RIPOR2: variants seen among roughly 807,000 people sequenced by gnomAD.
RIPOR2 encodes rho family-interacting cell polarization regulator 2.
In RIPOR2, 39 loss-of-function variants were observed where a neutral mutation model predicts 114.5. That is an observed-to-expected ratio of 0.34 (90% confidence interval 0.26 to 0.44). The LOEUF is 0.44. RIPOR2 is among the 20% of genes least tolerant of loss of function. The probability of loss-of-function intolerance (pLI) is 1.00; values close to 1 mark genes in which losing one functional copy is unlikely to be tolerated. For missense variants in RIPOR2, 1,007 were observed against 1,255.1 expected (o/e 0.80, Z 2.99); for synonymous variants, 445 against 484.4 (o/e 0.92, Z 1.07).
At chr6:25,005,534 T>C (rs1028051379) in intron 1 of RIPOR2, among the ~76,000 whole-genome samples, 3 of 151,434 alleles carry the variant, frequency 2.0e-5, no homozygotes, top group Non-Finnish European at 4.4e-5. Flanking sequence ...AATCTATGTC[T>C]CATCTTAGTC....
intron 16 of RIPOR2, 59 bp from the exon 17 acceptor site, chr6:24,830,729 T>C: frequency 6.7e-7 from 1 of 1,487,010 alleles, no homozygotes; most frequent in Non-Finnish European, 9.0e-7. Context: ...TTATTTTATT[T>C]TTTTGAGACA....
intron 1 of RIPOR2, among the ~76,000 whole-genome samples, chr6:24,943,431 T>G (rs147100630): frequency 0.014 from 2,075 of 152,220 alleles, 53 homozygotes; most frequent in African/African-American, 0.046. Flanking sequence ...ACATGGCACA[T>G]GCATACGTAT....
chr6:24,904,514 C>G (rs537123873), intron 1 of RIPOR2, among the ~76,000 whole-genome samples: 1 of 152,232 alleles, frequency 6.6e-6, no homozygotes, highest in Non-Finnish European at 1.5e-5. Context: ...AAGTCCTTGA[C>G]TTAATCACAT....
intron 1 of RIPOR2, among the ~76,000 whole-genome samples, chr6:24,997,779 A>G (rs1775109672): frequency 1.3e-5 from 2 of 152,214 alleles, no homozygotes; most frequent in Admixed American, 1.3e-4. Flanking sequence ...TGCACATTAA[A>G]GTCTGAGAAA....
At chr6:25,034,779 C>T (rs577606358) in intron 1 of RIPOR2, among the ~76,000 whole-genome samples, 11 of 152,320 alleles carry the variant, frequency 7.2e-5, no homozygotes, top group Middle Eastern at 3.4e-3. Context: ...TGTCCATCCT[C>T]GGCTGGAGAC....
Position 24,903,289 on chromosome 6 carries a change from A to G in RIPOR2, c.62-27472T>C, listed in dbSNP as rs530384185. Among the ~76,000 whole-genome samples the G allele has an allele frequency of 2.0e-4, 31 of 152,338 alleles. No individual in the cohort carries two copies. The South Asian group carries it at 6.0e-3, about 30-fold the overall frequency. ...TAAGGTAGAAGTTGAATGATCTTTTATGATCTAGCCTTAGAAATCACATTC... is the reference window on the plus strand; with the variant it reads ...TAAGGTAGAAGTTGAATGATCTTTTGTGATCTAGCCTTAGAAATCACATTC... On this transcript the variant is annotated intron_variant, in intron 1 of 21. Coordinates refer to ENST00000643898, the MANE Select transcript of RIPOR2 (RefSeq NM_001286445.3).
chr6:24,972,670 A>C (rs1023171908), intron 1 of RIPOR2, among the ~76,000 whole-genome samples: 1 of 152,204 alleles, frequency 6.6e-6, no homozygotes, highest in Non-Finnish European at 1.5e-5. Context: ...GCTCTATATA[A>C]CAAATAACTC....
chr6:25,031,119 C>G (rs116622247), intron 1 of RIPOR2: 1,981 of 152,580 alleles, frequency 0.013, 29 homozygotes, highest in East Asian at 0.043. Flanking sequence ...CAGTTCACCT[C>G]TCCTTAGGCA....
At chr6:25,027,321 C>T (rs1300398431) in intron 1 of RIPOR2, among the ~76,000 whole-genome samples, 1 of 152,126 alleles carries the variant, frequency 6.6e-6, no homozygotes, top group East Asian at 1.9e-4. Flanking sequence ...GACTGCACAG[C>T]CACCCAGCCC....
At chr6:24,928,212 G>T (rs1367965343) in intron 1 of RIPOR2, among the ~76,000 whole-genome samples, 2 of 152,192 alleles carry the variant, frequency 1.3e-5, no homozygotes, top group African/African-American at 4.8e-5. Flanking sequence ...TGAACCACAA[G>T]TTGAAGGAGA....
At chr6:24,882,048 T>C (rs1307774250) in intron 1 of RIPOR2, among the ~76,000 whole-genome samples, 1 of 152,162 alleles carries the variant, frequency 6.6e-6, no homozygotes, top group Admixed American at 6.5e-5. Flanking sequence ...GTTTGGAAGA[T>C]GGGTGATGAA....
intron 1 of RIPOR2, among the ~76,000 whole-genome samples, chr6:25,009,681 T>C (rs1016079482): frequency 7.9e-5 from 12 of 152,202 alleles, no homozygotes; most frequent in Non-Finnish European, 1.0e-4. Flanking sequence ...TAAATGGTGG[T>C]CAAGTTTCAA....
At chr6:24,942,629 A>G (rs1772195482) in intron 1 of RIPOR2, among the ~76,000 whole-genome samples, 1 of 152,080 alleles carries the variant, frequency 6.6e-6, no homozygotes, top group African/African-American at 2.4e-5. Flanking sequence ...ATGGTATCTC[A>G]TTGTGGTTTT....
Position 24,873,906 on chromosome 6 carries a change from T to G in RIPOR2, c.189-107A>C. 3 of 964,868 alleles carry G rather than the reference T, an allele frequency of 3.1e-6. No homozygotes were observed. In the South Asian group the frequency reaches 5.1e-5, roughly 16 times the overall value. The allele number at this position is 964,868 out of a possible 1,614,324, so 59.8% of individuals were successfully genotyped here. On this transcript the variant is annotated intron_variant, in intron 2 of 21. Coordinates refer to ENST00000643898, the MANE Select transcript of RIPOR2 (RefSeq NM_001286445.3). ...TGTTTGTTTTAGAGACAAAGTCTTC[T>G]TCTGTCATCCAGGCTGGAGTATGGT...
chr6:24,935,240 G>A (rs1461189946), intron 1 of RIPOR2, among the ~76,000 whole-genome samples: 2 of 150,120 alleles, frequency 1.3e-5, no homozygotes, highest in East Asian at 2.0e-4. Flanking sequence ...CCCGGGAGAC[G>A]GAGGTTGCAG....
At position 24,881,946 on chromosome 6, in the gene RIPOR2, T is replaced by C. The variant is rs532852714; in HGVS notation, c.62-6129A>G. ...CCAGAAATAAAGGGTGGAATATGAT[T>C]GCAGTTTGGGGGAAGAATTTGCACC... On this transcript the variant is annotated intron_variant, in intron 1 of 21. Coordinates refer to ENST00000643898, the MANE Select transcript of RIPOR2 (RefSeq NM_001286445.3). 1.1e-4 allele frequency among the ~76,000 whole-genome samples: 16 copies of C among 152,290 alleles called. No individual in the cohort carries two copies. In the South Asian group the frequency reaches 2.9e-3, roughly 28 times the overall value.
chr6:24,846,523 C>T (rs1762308098), intron 12 of RIPOR2, among the ~76,000 whole-genome samples: 2 of 151,848 alleles, frequency 1.3e-5, no homozygotes, highest in Admixed American at 1.3e-4. Flanking sequence ...CCAGGCTGGT[C>T]TTGAACTCCT....
chr6:24,821,141 G>A (rs1759660294), intron 19 of RIPOR2, among the ~76,000 whole-genome samples: 1 of 151,030 alleles, frequency 6.6e-6, no homozygotes, highest in African/African-American at 2.4e-5. Context: ...CCAAAGTTCT[G>A]GGATTACAGG....
At chr6:24,834,883 C>G (rs1760992042) in intron 15 of RIPOR2, among the ~76,000 whole-genome samples, 1 of 152,190 alleles carries the variant, frequency 6.6e-6, no homozygotes, top group African/African-American at 2.4e-5. Flanking sequence ...TTTGACCTCC[C>G]AAAGTGCTGG....
Sources: allele counts gnomAD v4.1 joint callset (sites outside exome capture counted in the v4.1 genomes callset), GRCh38; gene constraint gnomAD v4.1.1; transcripts MANE v1.5; gene names NCBI Gene and HGNC (gene_info 2026-07-23, HGNC 2026-07-21).